Variants in C4orf46 observed in about 807,000 individuals in gnomAD.
C4orf46 encodes the protein renal cancer differentiation gene 1 protein.
In C4orf46, 8 loss-of-function variants were observed where a neutral mutation model predicts 9.1. The ratio of observed to expected loss-of-function variants is 0.88; its 90% confidence interval spans 0.52 to 1.59. The LOEUF is 1.59. C4orf46 is among the 40% of genes most tolerant of loss of function. The probability of loss-of-function intolerance (pLI) is 0.00; values close to 1 mark genes in which losing one functional copy is unlikely to be tolerated. For missense variants in C4orf46, 151 were observed against 139.1 expected, an observed-to-expected ratio of 1.09 and a Z score of -0.43; for synonymous variants, 51 against 58.8, an observed-to-expected ratio of 0.87 and a Z score of 0.61.
rs772236019 is a variant in C4orf46, at chr4:158,669,751, G to C, written c.204C>G (p.Thr68=). 3.0e-5 allele frequency: 48 copies of C among 1,598,714 alleles called. No individual in the cohort carries two copies. In the East Asian group the frequency reaches 1.1e-3, roughly 36 times the overall value. Residue 68 remains threonine (T), a synonymous_variant, in exon 2 of 2, where the codon ACC becomes ACG. Coordinates refer to ENST00000379205, the MANE Select transcript of C4orf46 (RefSeq NM_001008393.4). The part of the protein sequence containing the change: ...LQIGDAAFSL[T]KLLEATSAVS... ...CTGCAGATGTGGCTTCAAGAAGTTTGGTTAATGAAAAGGCTGCCTAAAAAA... is the reference window on the plus strand; with the variant it reads ...CTGCAGATGTGGCTTCAAGAAGTTTCGTTAATGAAAAGGCTGCCTAAAAAA...
At chr4:158,671,919 A>G, upstream of C4orf46, 1 of 826,378 alleles carries the variant, frequency 1.2e-6, no homozygotes, top group South Asian at 1.9e-5. Flanking sequence ...AATCCCGCCC[A>G]GTCTCCTCGT....
chr4:158,670,692 C>A (rs1171857297), intron 1 of C4orf46, among the ~76,000 whole-genome samples: 1 of 152,112 alleles, frequency 6.6e-6, no homozygotes, highest in Admixed American at 6.5e-5. Flanking sequence ...TCAGTTTGTT[C>A]TGCAAAAATA....
intron 1 of C4orf46, among the ~76,000 whole-genome samples, chr4:158,670,405 A>G (rs1156239780): frequency 6.6e-6 from 1 of 152,152 alleles, no homozygotes; most frequent in Non-Finnish European, 1.5e-5. Context: ...AGCGCCAGAT[A>G]TATCTGAGAG....
At chr4:158,671,533 C>A (rs1773546629) in intron 1 of C4orf46, 83 bp downstream of exon 1, 1 of 1,347,884 alleles carries the variant, frequency 7.4e-7, no homozygotes, top group African/African-American at 1.5e-5. Flanking sequence ...GTTGGGGGAC[C>A]GATTCCCTAG....
upstream of C4orf46, chr4:158,672,044 G>A: frequency 1.8e-6 from 1 of 558,710 alleles, no homozygotes; most frequent in Non-Finnish European, 3.2e-6. Flanking sequence ...GATCTCGAAG[G>A]GCACTCGTAG....
chr4:158,667,532 T>C lies in C4orf46; in HGVS notation c.*2081A>G, dbSNP rs1773410476. 6.6e-6 allele frequency: 1 copy of C among 151,788 alleles called. No individual in the cohort carries two copies. The highest frequency in any genetic ancestry group is 1.5e-5 in the Non-Finnish European group (1 of 67,940). The allele number at this position is 151,788 out of a possible 1,614,324, so 9.4% of individuals were successfully genotyped here. Reference sequence around the variant, plus strand: ...TTCAAAATATGTAATATCTAAAAACTGACAAGTAAAAAAAACAACATAGAA... The same window carrying C: ...TTCAAAATATGTAATATCTAAAAACCGACAAGTAAAAAAAACAACATAGAA... On this transcript the variant is annotated 3_prime_UTR_variant, in exon 2 of 2. Coordinates refer to ENST00000379205, the MANE Select transcript of C4orf46 (RefSeq NM_001008393.4).
Position 158,671,798 on chromosome 4 carries a change from C to T in C4orf46, c.4G>A (p.Ala2Thr). The change falls in exon 1 of 2, where the codon GCC (alanine) becomes ACC (threonine). Residue 2 changes from alanine to threonine, a missense_variant. Physicochemically the swap from Ala to Thr is moderately conservative, Grantham distance 58 (BLOSUM62 0). Transcript: ENST00000379205. The part of the protein sequence containing the change: M[A>T]DPEELQVSSP... ...GAAACCTGCAACTCCTCAGGGTCGG[C>T]CATGGGGAAGGGTTGGGACCGCGGA... 6.5e-7 allele frequency: 1 copy of T among 1,537,634 alleles called. No homozygotes were observed. Among genetic ancestry groups the T allele is most frequent in the Non-Finnish European group, 8.8e-7 (1 of 1,140,002 alleles).
chr4:158,669,713 A>C lies in C4orf46; in HGVS notation c.242T>G (p.Val81Gly). ...LEATSAVSAQ[V>G]EELAFKCTEN... ...TGTACATTTGAAGGCAAGTTCTTCC[A>C]CTTGAGCTGATACTGCAGATGTGGC... Residue 81 changes from valine (V) to glycine (G), a missense_variant, in exon 2 of 2, where the codon GTG becomes GGG. Coordinates refer to ENST00000379205, the MANE Select transcript of C4orf46 (RefSeq NM_001008393.4). The C allele has an allele frequency of 6.2e-7, 1 of 1,613,826 alleles. No individual in the cohort carries two copies. Among genetic ancestry groups the C allele is most frequent in the Non-Finnish European group, 8.5e-7 (1 of 1,179,806 alleles).
rs1773429816 is a variant in C4orf46 at position 158,668,175 on chromosome 4, AAG to A, written c.*1436_*1437del. On this transcript the variant is annotated 3_prime_UTR_variant, in exon 2 of 2. Coordinates refer to ENST00000379205, the MANE Select transcript of C4orf46 (RefSeq NM_001008393.4). ...CCTATATCTTTGAAATATGTCAATA[AAG>A]TTTTAAGGTAATGAATCCAAACAAA... 2.0e-5 allele frequency: 3 copies of A among 152,410 alleles called. No individual in the cohort carries two copies. The highest frequency in any genetic ancestry group is 7.3e-5 in the African/African-American group (3 of 41,308). The allele number at this position is 152,410 out of a possible 1,614,324, so 9.4% of individuals were successfully genotyped here.
chr4:158,671,569 C>G (rs1295263439), intron 1 of C4orf46, 47 bp downstream of exon 1: 1 of 1,406,962 alleles, frequency 7.1e-7, no homozygotes, highest in South Asian at 1.6e-5. Context: ...CGCCGCCGGT[C>G]TTCCCAGAGG....
Position 158,668,636 on chromosome 4 carries a change from AT to A in C4orf46, c.*976del, listed in dbSNP as rs769668510. 14 of 152,382 alleles carry A rather than the reference AT, an allele frequency of 9.2e-5. No homozygotes were observed. The East Asian group carries it at 9.6e-4, about 10-fold the overall frequency. The allele number at this position is 152,382 out of a possible 1,614,324, so 9.4% of individuals were successfully genotyped here. The stretch of plus-strand genomic sequence containing the variant: ...ACTAAGATCAAATAATACAAAAAAA[AT>A]CACATCATTTAAATTTGATGCATTG... On this transcript the variant is annotated 3_prime_UTR_variant, in exon 2 of 2. Coordinates refer to ENST00000379205, the MANE Select transcript of C4orf46 (RefSeq NM_001008393.4).
In C4orf46 at chr4:158,671,883, G is replaced by C; in HGVS notation, c.-82C>G. The C allele has an allele frequency of 8.5e-7, 1 of 1,174,170 alleles. No individual in the cohort carries two copies. The highest frequency in any genetic ancestry group is 1.2e-6 in the Non-Finnish European group (1 of 863,302). The allele number at this position is 1,174,170 out of a possible 1,614,324, so 72.7% of individuals were successfully genotyped here. A position where few individuals can be genotyped will look rare whatever the true frequency, so the allele number is the denominator to read the frequency against. ...CTTTTAACCACTCGCGCCCAAAGCC[G>C]AAAGGCCCCGCCTCCTAACGCCAGA... On this transcript the variant is annotated 5_prime_UTR_variant, in exon 1 of 2. Transcript: ENST00000379205.
rs1363952268 is a variant in C4orf46 at position 158,667,762 on chromosome 4, T to C, written c.*1851A>G. 6.6e-6 allele frequency: 1 copy of C among 151,324 alleles called. No individual in the cohort carries two copies. Among genetic ancestry groups the C allele is most frequent in the Admixed American group, 6.6e-5 (1 of 15,186 alleles). 9.4% of individuals were successfully genotyped at this position (151,324 alleles called of 1,614,324 possible). ...GAAATCACACACTGCATTTGCTCAA[T>C]ATCCTGGTAGTTACAAAAGTCAGCA... is the stretch of plus-strand genomic sequence containing the variant. On this transcript the variant is annotated 3_prime_UTR_variant, in exon 2 of 2. Coordinates refer to ENST00000379205, the MANE Select transcript of C4orf46 (RefSeq NM_001008393.4).
In C4orf46 at chr4:158,671,870, C is replaced by T. The variant is rs956399112; in HGVS notation, c.-69G>A. 5 of 1,331,460 alleles carry T rather than the reference C, an allele frequency of 3.8e-6. No homozygotes were observed. The East Asian group carries it at 8.3e-5, about 22-fold the overall frequency. The allele number at this position is 1,331,460 out of a possible 1,614,324, so 82.5% of individuals were successfully genotyped here. ...CGACACCAACTGTCTTTTAACCACT[C>T]GCGCCCAAAGCCGAAAGGCCCCGCC... On this transcript the variant is annotated 5_prime_UTR_variant, in exon 1 of 2. Coordinates refer to ENST00000379205, the MANE Select transcript of C4orf46 (RefSeq NM_001008393.4).
At chr4:158,670,018 G>GTTTTTTTTTTTTTTTTTT (rs1773480643) in intron 1 of C4orf46, among the ~76,000 whole-genome samples, 3 of 19,672 alleles carry the variant, frequency 1.5e-4, no homozygotes, top group African/African-American at 4.9e-4. Flanking sequence ...CAGTATAGTT[G>GTTTTTTTTTTTTTTTTTT]TTTTCTTTTT....
Position 158,668,123 on chromosome 4 carries a change from C to T in C4orf46, c.*1490G>A, listed in dbSNP as rs935915988. The T allele has an allele frequency of 1.3e-5, 2 of 152,212 alleles. No homozygotes were observed. The highest frequency in any genetic ancestry group is 2.4e-5 in the African/African-American group (1 of 41,416). 9.4% of individuals were successfully genotyped at this position (152,212 alleles called of 1,614,324 possible). A position where few individuals can be genotyped will look rare whatever the true frequency, so the allele number is the denominator to read the frequency against. On this transcript the variant is annotated 3_prime_UTR_variant, in exon 2 of 2. Transcript: ENST00000379205. The stretch of plus-strand genomic sequence containing the variant: ...ATTACATCTGCATGGTAGAAATACA[C>T]GGATTTTCTTGAAATCATTTACCTT...
At chr4:158,671,929 T>A (rs926415823), upstream of C4orf46, 1 of 743,680 alleles carries the variant, frequency 1.3e-6, no homozygotes, top group African/African-American at 1.8e-5. Flanking sequence ...AGTCTCCTCG[T>A]GGGTCTCAGC....
rs1018723564 is a variant in C4orf46 at position 158,668,434 on chromosome 4, T to C, written c.*1179A>G. On this transcript the variant is annotated 3_prime_UTR_variant, in exon 2 of 2. Transcript: ENST00000379205. ...CCATCTGTCCCCTCTCATAGCCCCA[T>C]TGTGGGGCATTAGAATATAGTTCTG... is the stretch of plus-strand genomic sequence containing the variant. The C allele has an allele frequency of 1.3e-5, 2 of 152,640 alleles. No homozygotes were observed. Among genetic ancestry groups the C allele is most frequent in the African/African-American group, 4.8e-5 (2 of 41,454 alleles). 9.5% of individuals were successfully genotyped at this position (152,640 alleles called of 1,614,324 possible).
Position 158,671,870 on chromosome 4 carries a change from C to G in C4orf46, c.-69G>C, listed in dbSNP as rs956399112. 7 of 1,331,460 alleles carry G rather than the reference C, an allele frequency of 5.3e-6. No homozygotes were observed. In the African/African-American group the frequency reaches 7.5e-5, roughly 14 times the overall value. The allele number at this position is 1,331,460 out of a possible 1,614,324, so 82.5% of individuals were successfully genotyped here. A position where few individuals can be genotyped will look rare whatever the true frequency, so the allele number is the denominator to read the frequency against. On this transcript the variant is annotated 5_prime_UTR_variant, in exon 1 of 2. Coordinates refer to ENST00000379205, the MANE Select transcript of C4orf46 (RefSeq NM_001008393.4). ...CGACACCAACTGTCTTTTAACCACT[C>G]GCGCCCAAAGCCGAAAGGCCCCGCC...
Sources: gnomAD v4.1 joint callset for allele counts (sites outside exome capture counted in the v4.1 genomes callset) on GRCh38, gnomAD v4.1.1 for gene constraint, MANE v1.5 for transcripts, NCBI Gene and HGNC (gene_info 2026-07-23, HGNC 2026-07-21) for gene names.